Variants in BBS9 observed in about 807,000 individuals in gnomAD.
BBS9 encodes the protein protein PTHB1.
A neutral mutation model predicts 117.7 loss-of-function variants in BBS9; 89 were observed. The ratio of observed to expected loss-of-function variants is 0.76; its 90% confidence interval spans 0.64 to 0.90. The LOEUF (loss-of-function observed/expected upper bound fraction) is 0.90, where lower values mean the gene tolerates loss of function less well. BBS9 is among the 40% of genes least tolerant of loss of function. BBS9 has a pLI of 0.00. For missense variants in BBS9, 982 were observed against 1,042.2 expected, an observed-to-expected ratio of 0.94 and a Z score of 0.80; for synonymous variants, 379 against 370.9, an observed-to-expected ratio of 1.02 and a Z score of -0.25.
chr7:33,426,667 TA>T (rs538118243), intron 19 of BBS9, among the ~76,000 whole-genome samples: 1,851 of 146,196 alleles, frequency 0.013, 37 homozygotes, highest in African/African-American at 0.043. Context: ...AGTTCTGCTT[TA>T]AAAAAAAAAA....
At chr7:33,227,644 A>G (rs919674859) in intron 5 of BBS9, among the ~76,000 whole-genome samples, 6 of 151,980 alleles carry the variant, frequency 3.9e-5, no homozygotes, top group South Asian at 2.1e-4. Context: ...AAAGTCCTCT[A>G]TATCATTCCT....
intron 9 of BBS9, among the ~76,000 whole-genome samples, chr7:33,331,774 T>C (rs1323396904): frequency 6.6e-6 from 1 of 151,370 alleles, no homozygotes; most frequent in East Asian, 1.9e-4. Flanking sequence ...TAAGGAAAAC[T>C]GCAAAACACT....
rs767612439 is a variant in BBS9, at chr7:33,515,548, G to T, written c.2298+9903G>T. Among the ~76,000 whole-genome samples, 4 of 152,116 alleles carry T rather than the reference G, an allele frequency of 2.6e-5. No homozygotes were observed. In the East Asian group the frequency reaches 7.7e-4, roughly 29 times the overall value. On this transcript the variant is annotated intron_variant, in intron 20 of 22. Coordinates refer to ENST00000242067, the MANE Select transcript of BBS9 (RefSeq NM_198428.3). ...TTTTTCCTCCTCAGTTGAACTGTAC[G>T]TTGCCTGAAGTTAAGAAGCCTCTGT...
intron 11 of BBS9, among the ~76,000 whole-genome samples, chr7:33,343,631 T>C (rs1412597391): frequency 6.6e-6 from 1 of 152,078 alleles, no homozygotes; most frequent in African/African-American, 2.4e-5. Flanking sequence ...CCGGAGTAGC[T>C]GGGATTACAG....
rs117191657 is a variant in BBS9 at position 33,253,964 on chromosome 7, G to A, written c.443-3272G>A. On this transcript the variant is annotated intron_variant, in intron 5 of 22. Transcript: ENST00000242067. ...TACTACTAAAGAAAGAATGGCTGTT[G>A]GGGGCAGCAGTTAGCATCTCTGCCA... is the stretch of plus-strand genomic sequence containing the variant. Among the ~76,000 whole-genome samples the A allele has an allele frequency of 3.0e-4, 45 of 152,228 alleles. No individual in the cohort carries two copies. The East Asian group carries it at 8.1e-3, about 27-fold the overall frequency.
At chr7:33,369,243 G>A (rs1271780524) in intron 17 of BBS9, among the ~76,000 whole-genome samples, 3 of 151,928 alleles carry the variant, frequency 2.0e-5, no homozygotes, top group Admixed American at 6.6e-5. Context: ...CATTTCTTTG[G>A]GAAATTGTAC....
rs568151771 is a variant in BBS9, at chr7:33,509,139, G to A, written c.2298+3494G>A. Among the ~76,000 whole-genome samples, 24 of 152,228 alleles carry A rather than the reference G, an allele frequency of 1.6e-4. No homozygotes were observed. In the South Asian group the frequency reaches 5.0e-3, roughly 32 times the overall value. Reference sequence around the variant, plus strand: ...TTTGATAAAAACATAACTTGGAGAAGAATGAATCAAAAAAGACATTTTAAT... The same window carrying A: ...TTTGATAAAAACATAACTTGGAGAAAAATGAATCAAAAAAGACATTTTAAT... On this transcript the variant is annotated intron_variant, in intron 20 of 22. Transcript: ENST00000242067.
chr7:33,569,955 C>G (rs1857522534), intron 21 of BBS9, among the ~76,000 whole-genome samples: 4 of 152,090 alleles, frequency 2.6e-5, no homozygotes, highest in African/African-American at 9.7e-5. Context: ...ATTACCATCT[C>G]TAATAAAAAT....
At chr7:33,571,523 A>T (rs1319345319) in intron 21 of BBS9, among the ~76,000 whole-genome samples, 1 of 152,092 alleles carries the variant, frequency 6.6e-6, no homozygotes, top group Non-Finnish European at 1.5e-5. Context: ...TATCTTCTGC[A>T]TCTTTGAAAT....
chr7:33,624,919 C>T (rs1865569969), intron 21 of BBS9, among the ~76,000 whole-genome samples: 1 of 152,180 alleles, frequency 6.6e-6, no homozygotes, highest in African/African-American at 2.4e-5. Context: ...ACGATTGAAA[C>T]ATCATAAACA....
intron 21 of BBS9, among the ~76,000 whole-genome samples, chr7:33,590,464 T>TG (rs1554551737): frequency 9.5e-5 from 14 of 147,036 alleles, no homozygotes; most frequent in African/African-American, 2.7e-4. Flanking sequence ...TTTTTGTTTT[T>TG]TTTTTTTTTT....
At chr7:33,281,273 G>A (rs989313991) in intron 9 of BBS9, among the ~76,000 whole-genome samples, 1 of 148,846 alleles carries the variant, frequency 6.7e-6, no homozygotes, top group Non-Finnish European at 1.5e-5. Context: ...GACCTCTTTT[G>A]GGTTCCATTT....
chr7:33,148,649 C>T (rs1229056435), intron 2 of BBS9, among the ~76,000 whole-genome samples: 1 of 150,556 alleles, frequency 6.6e-6, no homozygotes, highest in Non-Finnish European at 1.5e-5. Context: ...AGGCATGAGC[C>T]ACTGCACCTG....
intron 21 of BBS9, among the ~76,000 whole-genome samples, chr7:33,588,636 G>A (rs1563409787): frequency 6.6e-6 from 1 of 152,134 alleles, no homozygotes; most frequent in Admixed American, 6.6e-5. Flanking sequence ...AAGTGCTAAT[G>A]TTAAGTGTTA....
chr7:33,194,294 T>C (rs1370076833), intron 5 of BBS9, among the ~76,000 whole-genome samples: 1 of 152,184 alleles, frequency 6.6e-6, no homozygotes, highest in Non-Finnish European at 1.5e-5. Flanking sequence ...ATTCACAGCC[T>C]CACCCCTCCT....
chr7:33,615,138 C>T (rs1055133559), intron 21 of BBS9, among the ~76,000 whole-genome samples: 21 of 151,980 alleles, frequency 1.4e-4, no homozygotes, highest in Non-Finnish European at 1.0e-4. Context: ...CTTACCACCA[C>T]ATTACTAAAG....
In BBS9 at chr7:33,170,037, G is replaced by A. The variant is rs577416793; in HGVS notation, c.329-7441G>A. On this transcript the variant is annotated intron_variant, in intron 4 of 22. Transcript: ENST00000242067. ...CTACCAGAGGTACAAGGAGGAACTG[G>A]TACCATTCCTTCTGAAACTATTCCA... Among the ~76,000 whole-genome samples the A allele has an allele frequency of 3.3e-5, 5 of 152,162 alleles. No individual in the cohort carries two copies. In the South Asian group the frequency reaches 1.0e-3, roughly 32 times the overall value.
At chr7:33,376,348 C>A (rs1823890824) in intron 17 of BBS9, among the ~76,000 whole-genome samples, 1 of 152,048 alleles carries the variant, frequency 6.6e-6, no homozygotes, top group Admixed American at 6.6e-5. Flanking sequence ...CCAGCTTCAT[C>A]CATGTTTCTG....
chr7:33,467,171 C>T (rs1276320923), intron 19 of BBS9, among the ~76,000 whole-genome samples: 1 of 152,094 alleles, frequency 6.6e-6, no homozygotes, highest in East Asian at 1.9e-4. Context: ...TTATTGCACC[C>T]ATCCTTAGAG....
Sources: allele counts gnomAD v4.1 joint callset (sites outside exome capture counted in the v4.1 genomes callset), GRCh38; gene constraint gnomAD v4.1.1; transcripts MANE v1.5; gene names NCBI Gene and HGNC (gene_info 2026-07-23, HGNC 2026-07-21).